The following WDR48 variants were observed in gnomAD, a reference collection of about 807,000 sequenced individuals.
The protein encoded by WDR48 is WD repeat domain 48, also known as WD repeat-containing protein 48.
A neutral mutation model predicts 94.0 loss-of-function variants in WDR48; 22 were observed. That is an observed-to-expected ratio of 0.23 (90% CI 0.17 to 0.33). The LOEUF (loss-of-function observed/expected upper bound fraction) is 0.33. WDR48 is among the 10% of genes least tolerant of loss of function. The pLI is 1.00. For missense variants in WDR48, 541 were observed against 813.8 expected, an observed-to-expected ratio of 0.66 and a Z score of 4.08; for synonymous variants, 278 against 280.5, an observed-to-expected ratio of 0.99 and a Z score of 0.09.
chr3:39,060,938 G>T (rs1182517151), intron 1 of WDR48, among the ~76,000 whole-genome samples: 1 of 152,176 alleles, frequency 6.6e-6, no homozygotes, highest in Non-Finnish European at 1.5e-5. Flanking sequence ...CTGCTTTCCA[G>T]CCTGGGTGAC....
chr3:39,088,048 A>C (rs1028352844), intron 14 of WDR48, 80 bp from the exon 15 acceptor site: 17 of 1,316,142 alleles, frequency 1.3e-5, no homozygotes, highest in Non-Finnish European at 1.8e-5. Context: ...GCAATGTTTG[A>C]AGCTTGTGGG....
chr3:39,060,109 G>A (rs983901427), intron 1 of WDR48, among the ~76,000 whole-genome samples: 1 of 152,094 alleles, frequency 6.6e-6, no homozygotes, highest in Admixed American at 6.6e-5. Flanking sequence ...ACCATAAAGT[G>A]CACCCTTTCA....
At chr3:39,093,425 C>A (rs964365508) in intron 17 of WDR48, among the ~76,000 whole-genome samples, 5 of 152,130 alleles carry the variant, frequency 3.3e-5, no homozygotes, top group Admixed American at 1.3e-4. Flanking sequence ...AGTGCAGTGG[C>A]GTATCTTGGC....
chr3:39,076,620 T>C (rs571817978), intron 8 of WDR48, among the ~76,000 whole-genome samples: 4 of 152,350 alleles, frequency 2.6e-5, no homozygotes, highest in African/African-American at 9.6e-5. Context: ...TTGTGTAATA[T>C]ATACATGCAC....
chr3:39,082,439 A>G (rs1005007352), intron 11 of WDR48, among the ~76,000 whole-genome samples: 3 of 151,854 alleles, frequency 2.0e-5, no homozygotes, highest in Non-Finnish European at 2.9e-5. Flanking sequence ...GCACCACCAC[A>G]TCGGGCTAAT....
chr3:39,066,217 T>C (rs2033597471), intron 3 of WDR48, among the ~76,000 whole-genome samples: 1 of 152,238 alleles, frequency 6.6e-6, no homozygotes, highest in Non-Finnish European at 1.5e-5. Flanking sequence ...AATACCTCTT[T>C]TTGTTCTAAT....
At chr3:39,083,970 TTTTAA>T (rs1323838615) in intron 11 of WDR48, among the ~76,000 whole-genome samples, 180 bp from the exon 12 acceptor site, 1 of 152,240 alleles carries the variant, frequency 6.6e-6, no homozygotes, top group Non-Finnish European at 1.5e-5. Flanking sequence ...TTTTGTGCTT[TTTTAA>T]TTTAAATTTT....
At chr3:39,090,118 T>G (rs1205988114) in intron 16 of WDR48, 1 of 152,232 alleles carries the variant, frequency 6.6e-6, no homozygotes, top group Non-Finnish European at 1.5e-5. Context: ...AGTGTATGAG[T>G]GCCCATTTCC....
rs2033374020 is a variant in WDR48 at position 39,063,090 on chromosome 3, G to A, written c.89G>A (p.Arg30Gln). Residue 30 changes from arginine (R) to glutamine (Q), a missense_variant, in exon 2 of 19, where the codon CGA becomes CAA. Physicochemically the swap from Arg to Gln is conservative, Grantham distance 43. Around this residue, in one of 5 missense-constraint regions of WDR48, gnomAD observed 90 missense variants for 122.3 expected, o/e 0.74. Transcript: ENST00000302313. ...VIRDEVEKYNRNGVNALQLDP... is the reference protein window; with the variant it reads ...VIRDEVEKYNQNGVNALQLDP... ...CGAGATGAAGTGGAGAAGTACAACCGAAATGGAGTCAATGCTCTGCAGCTG... is the reference window on the plus strand; with the variant it reads ...CGAGATGAAGTGGAGAAGTACAACCAAAATGGAGTCAATGCTCTGCAGCTG... 1.9e-6 allele frequency: 3 copies of A among 1,613,984 alleles called. No homozygotes were observed. Among genetic ancestry groups the A allele is most frequent in the Admixed American group, 1.7e-5 (1 of 59,988 alleles).
chr3:39,086,127 A>G (rs1339306837), intron 14 of WDR48, among the ~76,000 whole-genome samples: 1 of 152,230 alleles, frequency 6.6e-6, no homozygotes, highest in Non-Finnish European at 1.5e-5. Flanking sequence ...AAGCATGTGT[A>G]AAGAATTAAT....
At chr3:39,055,121 G>A (rs936949024) in intron 1 of WDR48, among the ~76,000 whole-genome samples, 1 of 152,150 alleles carries the variant, frequency 6.6e-6, no homozygotes, top group Non-Finnish European at 1.5e-5. Flanking sequence ...CTCAGACCAC[G>A]AGACAGTAGC....
intron 4 of WDR48, 24 bp from the exon 5 acceptor site, chr3:39,066,722 C>G: frequency 6.2e-7 from 1 of 1,613,632 alleles, no homozygotes; most frequent in Non-Finnish European, 8.5e-7. Flanking sequence ...CAGAATAGAT[C>G]ATAGTATGTC....
intron 11 of WDR48, among the ~76,000 whole-genome samples, chr3:39,082,347 C>T (rs1278479579): frequency 6.6e-6 from 1 of 151,514 alleles, no homozygotes; most frequent in Admixed American, 6.6e-5. Context: ...AGTGGCGCAA[C>T]CTCAGCTCAC....
At chr3:39,072,689 A>T (rs1444179611) in intron 7 of WDR48, among the ~76,000 whole-genome samples, 1 of 152,196 alleles carries the variant, frequency 6.6e-6, no homozygotes, top group African/African-American at 2.4e-5. Context: ...CTCATAATGA[A>T]CATCTTCATG....
chr3:39,078,097 A>G (rs1037569893), intron 9 of WDR48, 40 bp from the exon 10 acceptor site: 2 of 1,457,332 alleles, frequency 1.4e-6, no homozygotes, highest in South Asian at 1.2e-5. Flanking sequence ...CAAAGCTTGT[A>G]GAGCATAACA....
At position 39,096,430 on chromosome 3, in the gene WDR48, C is replaced by A. The variant is rs897006309; in HGVS notation, c.*1687C>A. ...ATTTACCAGCCCTCAGTTGTGTTTG[C>A]CCGAGGGGCCTTTGAGCAAAGAAAT... On this transcript the variant is annotated 3_prime_UTR_variant, in exon 19 of 19. Transcript: ENST00000302313. The A allele has an allele frequency of 6.6e-6, 1 of 152,012 alleles. No individual in the cohort carries two copies. Among genetic ancestry groups the A allele is most frequent in the African/African-American group, 2.4e-5 (1 of 41,342 alleles). The allele number at this position is 152,012 out of a possible 1,614,324, so 9.4% of individuals were successfully genotyped here. A position where few individuals can be genotyped will look rare whatever the true frequency, so the allele number is the denominator to read the frequency against.
At chr3:39,077,869 C>T in intron 9 of WDR48, 1 of 303,614 alleles carries the variant, frequency 3.3e-6, no homozygotes, top group Non-Finnish European at 6.1e-6. Context: ...TTCATCATGC[C>T]AACTTATGAC....
At chr3:39,055,316 G>A (rs992028789) in intron 1 of WDR48, among the ~76,000 whole-genome samples, 5 of 152,020 alleles carry the variant, frequency 3.3e-5, no homozygotes, top group East Asian at 1.9e-4. Flanking sequence ...GCGAAATCCC[G>A]TCTCTACTAA....
intron 1 of WDR48, chr3:39,052,398 C>T (rs1413533142): frequency 1.0e-5 from 3 of 296,960 alleles, no homozygotes; most frequent in African/African-American, 4.6e-5. Context: ...CCCCCTTGCC[C>T]TGTCTTTCTT....
Sources: gnomAD v4.1 joint callset for allele counts (sites outside exome capture counted in the v4.1 genomes callset) on GRCh38, gnomAD v4.1.1 for gene constraint, gnomAD v4.1.1 regional missense constraint, MANE v1.5 for transcripts, NCBI Gene and HGNC (gene_info 2026-07-23, HGNC 2026-07-21) for gene names.